YLPM1: variants seen among roughly 807,000 people sequenced by gnomAD.
The protein encoded by YLPM1 is YLP motif containing 1, also known as YLP motif-containing protein 1.
YLPM1 carries 99 observed loss-of-function variants against 230.0 expected under a neutral mutation model. That is an observed-to-expected ratio of 0.43 (90% CI 0.37 to 0.51). The LOEUF is 0.51. YLPM1 is among the 20% of genes least tolerant of loss of function. The pLI is 0.00. For missense variants in YLPM1, 2,592 were observed against 2,707.7 expected (o/e 0.96, Z 0.95); for synonymous variants, 984 against 942.5 (o/e 1.04, Z -0.81).
At position 74,832,332 on chromosome 14, in the gene YLPM1, C is replaced by T. The variant is rs368782985; in HGVS notation, c.6295-2933C>T. Among the ~76,000 whole-genome samples, 32 of 152,238 alleles carry T rather than the reference C, an allele frequency of 2.1e-4. No homozygotes were observed. In the South Asian group the frequency reaches 5.0e-3, roughly 24 times the overall value. On this transcript the variant is annotated intron_variant, in intron 19 of 20. Coordinates refer to ENST00000325680, the MANE Select transcript of YLPM1 (RefSeq NM_019589.3). Reference sequence around the variant, plus strand: ...TTTGTACGAAGTCTATGAATGAGTCCTCTTAAGGAGCTGACATCCAGTGGA... The same window carrying T: ...TTTGTACGAAGTCTATGAATGAGTCTTCTTAAGGAGCTGACATCCAGTGGA...
intron 4 of YLPM1, among the ~76,000 whole-genome samples, chr14:74,795,046 CT>C (rs1297602662): frequency 3.9e-5 from 6 of 152,304 alleles, no homozygotes; most frequent in Non-Finnish European, 7.4e-5. Context: ...CTACAAAACC[CT>C]TTGCAATTTT....
At chr14:74,802,912 A>G (rs2091342029) in intron 6 of YLPM1, among the ~76,000 whole-genome samples, 1 of 152,192 alleles carries the variant, frequency 6.6e-6, no homozygotes, top group Admixed American at 6.5e-5. Flanking sequence ...CACCTGAACT[A>G]CATAGCTTCT....
chr14:74,821,308 C>T lies in YLPM1; in HGVS notation c.6111+171C>T. The T allele has an allele frequency of 3.1e-6, 3 of 955,184 alleles. No homozygotes were observed. The South Asian group carries it at 8.9e-5, about 28-fold the overall frequency. The allele number at this position is 955,184 out of a possible 1,614,324, so 59.2% of individuals were successfully genotyped here. A position where few individuals can be genotyped will look rare whatever the true frequency, so the allele number is the denominator to read the frequency against. ...GGATACTCTTTATTTTTCCCCAGAC[C>T]AAAAGAACCCTCTAATGTGGTGTTA... is the stretch of plus-strand genomic sequence containing the variant. On this transcript the variant is annotated intron_variant, in intron 17 of 20. Coordinates refer to ENST00000325680, the MANE Select transcript of YLPM1 (RefSeq NM_019589.3).
rs2091637604 is a variant in YLPM1, at chr14:74,835,641, C to T, written c.*37-134C>T. The T allele has an allele frequency of 2.1e-5, 11 of 517,694 alleles. No homozygotes were observed. In the South Asian group the frequency reaches 2.4e-4, roughly 11 times the overall value. The allele number at this position is 517,694 out of a possible 1,614,324, so 32.1% of individuals were successfully genotyped here. On this transcript the variant is annotated intron_variant, in intron 20 of 20. Coordinates refer to ENST00000325680, the MANE Select transcript of YLPM1 (RefSeq NM_019589.3). ...AAGCCATTTTCTGCAAGCTGGCTCA[C>T]TTATAAAAATAAAAACCTTGAGAAA...
At chr14:74,777,256 T>C (rs1168902786) in intron 1 of YLPM1, among the ~76,000 whole-genome samples, 1 of 151,856 alleles carries the variant, frequency 6.6e-6, no homozygotes, top group Non-Finnish European at 1.5e-5. Flanking sequence ...TTAAAATAAA[T>C]AGAAAGCATT....
intron 1 of YLPM1, among the ~76,000 whole-genome samples, chr14:74,771,404 A>G (rs1267407610): frequency 6.6e-6 from 1 of 152,256 alleles, no homozygotes; most frequent in Non-Finnish European, 1.5e-5. Flanking sequence ...GCAGTATCTA[A>G]GGGAACCAAT....
At chr14:74,827,820 C>T in intron 18 of YLPM1, 1 of 985,294 alleles carries the variant, frequency 1.0e-6, no homozygotes, top group Non-Finnish European at 1.2e-6. Flanking sequence ...CCTGTGCAGT[C>T]AGGGGGTCAC....
At chr14:74,830,304 A>G (rs1356831926) in intron 19 of YLPM1, among the ~76,000 whole-genome samples, 1 of 152,202 alleles carries the variant, frequency 6.6e-6, no homozygotes, top group African/African-American at 2.4e-5. Flanking sequence ...GTGAAAGGGA[A>G]TAGAGAAATG....
chr14:74,766,888 T>TC (rs1196367693), intron 1 of YLPM1, among the ~76,000 whole-genome samples: 1 of 149,484 alleles, frequency 6.7e-6, no homozygotes, highest in Non-Finnish European at 1.5e-5. Context: ...CTTTTCTTTT[T>TC]TTTTTTTTTT....
intron 1 of YLPM1, among the ~76,000 whole-genome samples, chr14:74,773,269 C>T (rs910852006): frequency 4.6e-5 from 7 of 151,562 alleles, no homozygotes; most frequent in Non-Finnish European, 1.0e-4. Flanking sequence ...GCCTGGGCGA[C>T]AGAGCGAGAC....
rs1224633968 is a variant in YLPM1, at chr14:74,782,208, A to C, written c.2165A>C (p.Glu722Ala). 6.2e-7 allele frequency: 1 copy of C among 1,605,026 alleles called. No individual in the cohort carries two copies. Among genetic ancestry groups the C allele is most frequent in the East Asian group, 2.2e-5 (1 of 44,886 alleles). Reference sequence around the variant, plus strand: ...TTCTCATCTGATCAAGGACTTGGGGAGTCTTCAGCTGCTCCATCTCAGCCA... The same window carrying C: ...TTCTCATCTGATCAAGGACTTGGGGCGTCTTCAGCTGCTCCATCTCAGCCA... Reference protein sequence around the residue: ...SSFSSDQGLGESSAAPSQPIT... With the variant: ...SSFSSDQGLGASSAAPSQPIT... The change falls in exon 4 of 21, where the codon GAG becomes GCG. Residue 722 changes from glutamate to alanine, a missense_variant. Transcript: ENST00000325680.
chr14:74,769,224 G>C (rs1189763650), intron 1 of YLPM1, among the ~76,000 whole-genome samples: 1 of 139,062 alleles, frequency 7.2e-6, no homozygotes, highest in Non-Finnish European at 1.5e-5. Flanking sequence ...ACAGGTGCCT[G>C]CCACCACGCC....
intron 1 of YLPM1, among the ~76,000 whole-genome samples, chr14:74,776,666 G>T (rs886158701): frequency 3.0e-4 from 46 of 152,226 alleles, no homozygotes; most frequent in African/African-American, 1.1e-3. Flanking sequence ...ACTTCATCTC[G>T]GCTGGGAATG....
At chr14:74,820,703 T>C (rs528123167) in intron 16 of YLPM1, among the ~76,000 whole-genome samples, 13 of 152,362 alleles carry the variant, frequency 8.5e-5, no homozygotes, top group African/African-American at 3.1e-4. Flanking sequence ...CTTTTTCTTA[T>C]ATTTTGAAAT....
chr14:74,811,854 G>C, intron 10 of YLPM1, 116 bp downstream of exon 10: 1 of 646,046 alleles, frequency 1.5e-6, no homozygotes, highest in East Asian at 3.3e-5. Flanking sequence ...AGATTTCTTA[G>C]AGCTGGTGGC....
intron 5 of YLPM1, among the ~76,000 whole-genome samples, chr14:74,801,059 T>G (rs562935861): frequency 1.5e-4 from 23 of 152,342 alleles, no homozygotes; most frequent in African/African-American, 4.3e-4. Flanking sequence ...CTGATTGGTG[T>G]TGTTAAGCTG....
rs1420543415 is a variant in YLPM1 at position 74,784,694 on chromosome 14, G to C, written c.2282+2369G>C. Among the ~76,000 whole-genome samples, 3 of 152,182 alleles carry C rather than the reference G, an allele frequency of 2.0e-5. No homozygotes were observed. In the East Asian group the frequency reaches 5.8e-4, roughly 29 times the overall value. On this transcript the variant is annotated intron_variant, in intron 4 of 20. Transcript: ENST00000325680. ...TGTGATTCTTTAACTTTTATCTGTT[G>C]ATTCTAGATTTGCCTCTGGAGCAAC...
At chr14:74,766,736 C>G (rs933828483) in intron 1 of YLPM1, among the ~76,000 whole-genome samples, 1 of 149,888 alleles carries the variant, frequency 6.7e-6, no homozygotes, top group Non-Finnish European at 1.5e-5. Context: ...CTTGACCTCT[C>G]AAAGTGCTGG....
At chr14:74,790,788 G>A (rs1260210234) in intron 4 of YLPM1, among the ~76,000 whole-genome samples, 1 of 152,012 alleles carries the variant, frequency 6.6e-6, no homozygotes, top group Admixed American at 6.6e-5. Context: ...AAGGGTCATA[G>A]TATTTCATTA....
Sources: gnomAD v4.1 joint callset for allele counts (sites outside exome capture counted in the v4.1 genomes callset) on GRCh38, gnomAD v4.1.1 for gene constraint, MANE v1.5 for transcripts, NCBI Gene and HGNC (gene_info 2026-07-23, HGNC 2026-07-21) for gene names.